Variants in ARMC8 observed in about 807,000 individuals in gnomAD.
The protein encoded by ARMC8 is armadillo repeat containing 8, also known as armadillo repeat-containing protein 8.
ARMC8 carries 20 observed loss-of-function variants against 99.3 expected under a neutral mutation model. The observed-to-expected ratio is 0.20, with a 90% CI of 0.14 to 0.29. ARMC8 has a LOEUF of 0.29. ARMC8 is among the 10% of genes least tolerant of loss of function. ARMC8 has a pLI of 1.00. For missense variants in ARMC8, 569 were observed against 809.5 expected, an observed-to-expected ratio of 0.70 and a Z score of 3.60; for synonymous variants, 263 against 278.3, an observed-to-expected ratio of 0.95 and a Z score of 0.55.
chr3:138,189,051 G>A (rs1383061660), intron 1 of ARMC8, among the ~76,000 whole-genome samples: 2 of 152,006 alleles, frequency 1.3e-5, no homozygotes, highest in Non-Finnish European at 2.9e-5. Context: ...GCTGTTCTCA[G>A]TTCTCCTTTA....
chr3:138,262,885 T>C (rs572793905), intron 12 of ARMC8, among the ~76,000 whole-genome samples: 2 of 152,336 alleles, frequency 1.3e-5, no homozygotes, highest in Admixed American at 1.3e-4. Flanking sequence ...TGGAGTCACA[T>C]GCCTGGGTAC....
At chr3:138,243,065 T>C (rs1424163202) in intron 11 of ARMC8, among the ~76,000 whole-genome samples, 1 of 152,156 alleles carries the variant, frequency 6.6e-6, no homozygotes, top group Non-Finnish European at 1.5e-5. Flanking sequence ...ATCTTACCAA[T>C]ACAAAGATAC....
chr3:138,267,107 ATCT>A lies in ARMC8; in HGVS notation c.1300-45_1300-43del, dbSNP rs377239928. On this transcript the variant is annotated intron_variant, in intron 14 of 21. Transcript: ENST00000469044. ...TATTTTATATCTCATTTTATATCTCATCTTCATCATTCCAAATCATTAGTAGTA... is the reference window on the plus strand; with the variant it reads ...TATTTTATATCTCATTTTATATCTCATCATCATTCCAAATCATTAGTAGTA... 2.5e-4 allele frequency: 242 copies of A among 954,048 alleles called. 1 individual carries two copies. The African/African-American group carries it at 3.0e-3, about 12-fold the overall frequency. The allele number at this position is 954,048 out of a possible 1,614,324, so 59.1% of individuals were successfully genotyped here.
At chr3:138,230,765 A>C (rs2045989056) in intron 6 of ARMC8, among the ~76,000 whole-genome samples, 1 of 152,224 alleles carries the variant, frequency 6.6e-6, no homozygotes, top group Non-Finnish European at 1.5e-5. Flanking sequence ...CTGGAGGAAT[A>C]ACTACATGTT....
At position 138,187,418 on chromosome 3, in the gene ARMC8, G is replaced by A; in HGVS notation, c.-137G>A. ...TTCTGCGGGCCTTTCCGGTACTTGA[G>A]CGGTGTCCAGAGCGTGGCCAGTTCT... On this transcript the variant is annotated 5_prime_UTR_variant, in exon 1 of 22. Transcript: ENST00000469044. 1.3e-6 allele frequency: 1 copy of A among 793,088 alleles called. No individual in the cohort carries two copies. Among genetic ancestry groups the A allele is most frequent in the Non-Finnish European group, 2.0e-6 (1 of 496,606 alleles). The allele number at this position is 793,088 out of a possible 1,614,324, so 49.1% of individuals were successfully genotyped here. A position where few individuals can be genotyped will look rare whatever the true frequency, so the allele number is the denominator to read the frequency against.
chr3:138,264,607 G>A (rs6809844), intron 14 of ARMC8, among the ~76,000 whole-genome samples: 6,194 of 150,974 alleles, frequency 0.041, 394 homozygotes, highest in African/African-American at 0.14. Flanking sequence ...TTTAGTAGAG[G>A]CGGGGTTTCA....
In ARMC8 at chr3:138,215,468, G is replaced by A. The variant is rs34456963; in HGVS notation, c.122+5575G>A. On this transcript the variant is annotated intron_variant, in intron 2 of 21. Transcript: ENST00000469044. ...CCTGATCTCGTGATCCACCCGCCTC[G>A]GCCTCCCAAAGTGCTGGGATTACAA... is the stretch of plus-strand genomic sequence containing the variant. Among the ~76,000 whole-genome samples, 146 of 152,146 alleles carry A rather than the reference G, an allele frequency of 9.6e-4. No homozygotes were observed. In the Middle Eastern group the frequency reaches 0.01, roughly 11 times the overall value.
chr3:138,269,271 A>G (rs2108290494), intron 15 of ARMC8, among the ~76,000 whole-genome samples: 1 of 152,306 alleles, frequency 6.6e-6, no homozygotes, highest in African/African-American at 2.4e-5. Flanking sequence ...ATTGCTTCTG[A>G]CGTTTCTATA....
chr3:138,190,535 C>T (rs1181875669), intron 1 of ARMC8, among the ~76,000 whole-genome samples: 14 of 152,134 alleles, frequency 9.2e-5, no homozygotes, highest in Admixed American at 8.5e-4. Context: ...GTGATCCACC[C>T]ACCTTGGCCT....
At chr3:138,274,227 A>G (rs1024220321) in intron 17 of ARMC8, among the ~76,000 whole-genome samples, 6 of 144,232 alleles carry the variant, frequency 4.2e-5, no homozygotes, top group African/African-American at 1.8e-4. Context: ...TGTAATGTGT[A>G]TATACATGTG....
intron 18 of ARMC8, among the ~76,000 whole-genome samples, chr3:138,278,243 C>A (rs1169322799): frequency 6.6e-6 from 1 of 152,068 alleles, no homozygotes; most frequent in Non-Finnish European, 1.5e-5. Context: ...CACGGTGGCT[C>A]ACACCGTGAT....
intron 5 of ARMC8, among the ~76,000 whole-genome samples, chr3:138,225,708 T>A: frequency 6.6e-6 from 1 of 152,172 alleles, no homozygotes; most frequent in Non-Finnish European, 1.5e-5. Context: ...AAAATGGTGG[T>A]TGTAATTATC....
At position 138,295,754 on chromosome 3, in the gene ARMC8, A is replaced by G; in HGVS notation, c.1989-105A>G. 3 of 1,315,026 alleles carry G rather than the reference A, an allele frequency of 2.3e-6. No individual in the cohort carries two copies. In the East Asian group the frequency reaches 7.2e-5, roughly 31 times the overall value. The allele number at this position is 1,315,026 out of a possible 1,614,324, so 81.5% of individuals were successfully genotyped here. A position where few individuals can be genotyped will look rare whatever the true frequency, so the allele number is the denominator to read the frequency against. ...CTGGGCTCACCCCAATTCCCTCTGGAGATTTACTTTTTTAGACTTCCCCAG... is the reference window on the plus strand; with the variant it reads ...CTGGGCTCACCCCAATTCCCTCTGGGGATTTACTTTTTTAGACTTCCCCAG... On this transcript the variant is annotated intron_variant, in intron 21 of 21. Transcript: ENST00000469044.
chr3:138,241,243 A>G (rs1396782114), intron 10 of ARMC8, among the ~76,000 whole-genome samples: 2 of 152,196 alleles, frequency 1.3e-5, no homozygotes, highest in Admixed American at 6.5e-5. Flanking sequence ...GCATTATAGT[A>G]GAACTGGTGG....
intron 21 of ARMC8, among the ~76,000 whole-genome samples, chr3:138,295,571 T>TA (rs2051408033): frequency 6.6e-6 from 1 of 152,182 alleles, no homozygotes; most frequent in Non-Finnish European, 1.5e-5. Context: ...AAACATAGAA[T>TA]GTCAGCACAT....
chr3:138,223,264 C>T, intron 3 of ARMC8, 125 bp from the exon 4 acceptor site: 1 of 774,906 alleles, frequency 1.3e-6, no homozygotes, highest in Non-Finnish European at 2.1e-6. Flanking sequence ...AAACAAATGA[C>T]CATTGGATTC....
At chr3:138,237,272 T>C in intron 7 of ARMC8, 37 bp from the exon 8 acceptor site, 1 of 1,586,352 alleles carries the variant, frequency 6.3e-7, no homozygotes, top group Non-Finnish European at 8.6e-7. Context: ...ATTTGCAGAA[T>C]TAAACACATT....
rs569848101 is a variant in ARMC8 at position 138,293,307 on chromosome 3, C to T, written c.1989-2552C>T. Reference sequence around the variant, plus strand: ...CTGTAATCCCAGCACTTTGGGAGGCCGAGGTAAGCGGATTATGAGGTCAGG... The same window carrying T: ...CTGTAATCCCAGCACTTTGGGAGGCTGAGGTAAGCGGATTATGAGGTCAGG... On this transcript the variant is annotated intron_variant, in intron 21 of 21. Coordinates refer to ENST00000469044, the MANE Select transcript of ARMC8 (RefSeq NM_001363941.2). Among the ~76,000 whole-genome samples the T allele has an allele frequency of 2.5e-4, 38 of 152,192 alleles. 1 individual carries two copies. Among genetic ancestry groups the T allele is most frequent in the Admixed American group, 8.5e-4 (13 of 15,292 alleles).
intron 20 of ARMC8, among the ~76,000 whole-genome samples, chr3:138,289,710 A>C (rs1044581113): frequency 1.3e-5 from 2 of 152,160 alleles, no homozygotes. Flanking sequence ...AAAGCTCCCC[A>C]GATGATTCCA....
Sources: allele counts gnomAD v4.1 joint callset (sites outside exome capture counted in the v4.1 genomes callset), GRCh38; gene constraint gnomAD v4.1.1; transcripts MANE v1.5; gene names NCBI Gene and HGNC (gene_info 2026-07-23, HGNC 2026-07-21).